The following FOXP2 variants were observed in gnomAD, a reference collection of about 807,000 sequenced individuals.
FOXP2 encodes the protein forkhead box P2, also known as forkhead box protein P2.
A neutral mutation model predicts 115.8 loss-of-function variants in FOXP2; 12 were observed. The ratio of observed to expected loss-of-function variants is 0.10; its 90% CI spans 0.07 to 0.17. FOXP2 has a LOEUF of 0.17. FOXP2 is among the 10% of genes least tolerant of loss of function. The pLI is 1.00. For missense variants in FOXP2, 629 were observed against 843.5 expected (o/e 0.75, Z 3.15); for synonymous variants, 328 against 297.7 (o/e 1.10, Z -1.05).
At chr7:114,426,082 T>C (rs1176800759) in intron 1 of FOXP2, among the ~76,000 whole-genome samples, 2 of 151,690 alleles carry the variant, frequency 1.3e-5, no homozygotes, top group Non-Finnish European at 3.0e-5. Flanking sequence ...TGTAAAATTC[T>C]GACAGAATCA....
intron 1 of FOXP2, among the ~76,000 whole-genome samples, chr7:114,193,159 A>C (rs1026197613): frequency 2.0e-5 from 3 of 152,092 alleles, no homozygotes; most frequent in Non-Finnish European, 2.9e-5. Context: ...GGTATTTAAT[A>C]CTGTAACGTA....
chr7:114,231,995 C>T (rs1794888186), intron 1 of FOXP2, among the ~76,000 whole-genome samples: 1 of 151,998 alleles, frequency 6.6e-6, no homozygotes. Context: ...AAAAAAGGAA[C>T]TCCTACATCT....
chr7:114,265,336 G>T (rs763414630), intron 1 of FOXP2, among the ~76,000 whole-genome samples: 45 of 152,278 alleles, frequency 3.0e-4, no homozygotes, highest in Admixed American at 7.8e-4. Context: ...TTGAAACCCA[G>T]CAGGGCAGTC....
At chr7:114,551,209 A>G (rs1695274033) in intron 3 of FOXP2, among the ~76,000 whole-genome samples, 1 of 152,222 alleles carries the variant, frequency 6.6e-6, no homozygotes, top group African/African-American at 2.4e-5. Flanking sequence ...TTATATTCTC[A>G]ATCAATCCAT....
chr7:114,346,546 G>T (rs1298563725), intron 2 of FOXP2, among the ~76,000 whole-genome samples: 3 of 151,652 alleles, frequency 2.0e-5, no homozygotes, highest in African/African-American at 7.3e-5. Flanking sequence ...TAATAGATGA[G>T]TGGATAAAGA....
At chr7:114,460,905 G>T (rs1055321192) in intron 2 of FOXP2, among the ~76,000 whole-genome samples, 2 of 152,146 alleles carry the variant, frequency 1.3e-5, no homozygotes, top group Non-Finnish European at 2.9e-5. Flanking sequence ...TTACCTTGGA[G>T]ATTTTCATAT....
At chr7:114,398,770 C>T (rs557742839) in intron 2 of FOXP2, among the ~76,000 whole-genome samples, 11 of 152,048 alleles carry the variant, frequency 7.2e-5, no homozygotes, top group African/African-American at 2.7e-4. Context: ...GGACTCTGGA[C>T]GAAGTCACAT....
At chr7:114,493,102 G>T (rs1275853561) in intron 2 of FOXP2, among the ~76,000 whole-genome samples, 1 of 152,114 alleles carries the variant, frequency 6.6e-6, no homozygotes, top group Non-Finnish European at 1.5e-5. Context: ...CCTGTATTGG[G>T]TGCGTATACA....
chr7:114,099,019 C>T (rs1357487583), intron 1 of FOXP2, among the ~76,000 whole-genome samples: 1 of 152,070 alleles, frequency 6.6e-6, no homozygotes, highest in East Asian at 1.9e-4. Context: ...CCTGTGATCC[C>T]AGCTACTCAG....
chr7:114,514,806 T>C (rs1338813347), intron 2 of FOXP2, among the ~76,000 whole-genome samples: 2 of 151,960 alleles, frequency 1.3e-5, no homozygotes, highest in East Asian at 1.9e-4. Context: ...CATGCTGGTG[T>C]GCTGCACCCA....
At chr7:114,165,657 G>A (rs1792961668) in intron 1 of FOXP2, among the ~76,000 whole-genome samples, 2 of 152,144 alleles carry the variant, frequency 1.3e-5, no homozygotes, top group African/African-American at 4.8e-5. Context: ...CCTTTTCATG[G>A]ATAGATGGGT....
At chr7:114,572,411 A>C (rs1801352858) in intron 3 of FOXP2, among the ~76,000 whole-genome samples, 2 of 151,694 alleles carry the variant, frequency 1.3e-5, no homozygotes, top group Admixed American at 6.6e-5. Flanking sequence ...AATAGCAAAA[A>C]TTTAAAAATT....
In FOXP2 at chr7:114,289,244, C is replaced by T. The variant is rs183512060; in HGVS notation, c.-11+1135C>T. On this transcript the variant is annotated intron_variant, in intron 2 of 17. Transcript: ENST00000634411. Reference sequence around the variant, plus strand: ...AAGATTTTCAAAGCCCTTTGGCAACCTTTTACTTCATTTTACTCTTAATTT... The same window carrying T: ...AAGATTTTCAAAGCCCTTTGGCAACTTTTTACTTCATTTTACTCTTAATTT... Among the ~76,000 whole-genome samples the T allele has an allele frequency of 8.6e-3, 1,309 of 151,906 alleles. 30 individuals carry two copies. The highest frequency in any genetic ancestry group is 0.03 in the African/African-American group (1,251 of 41,512).
At chr7:114,133,678 G>A (rs1039876185) in intron 1 of FOXP2, among the ~76,000 whole-genome samples, 1 of 152,128 alleles carries the variant, frequency 6.6e-6, no homozygotes, top group African/African-American at 2.4e-5. Context: ...TTATTGGGTT[G>A]GACCATTCAT....
intron 1 of FOXP2, among the ~76,000 whole-genome samples, chr7:114,169,553 G>T (rs1226929824): frequency 6.6e-6 from 1 of 152,154 alleles, no homozygotes; most frequent in African/African-American, 2.4e-5. Flanking sequence ...TGATTTTGCA[G>T]GTTCATGGGG....
chr7:114,450,622 G>A (rs1178761790), intron 2 of FOXP2, among the ~76,000 whole-genome samples: 1 of 152,068 alleles, frequency 6.6e-6, no homozygotes, highest in Non-Finnish European at 1.5e-5. Context: ...TGATGTGTTA[G>A]TCAGTAGCCC....
chr7:114,480,298 A>C (rs1268209871), intron 2 of FOXP2, among the ~76,000 whole-genome samples: 3 of 150,916 alleles, frequency 2.0e-5, no homozygotes, highest in African/African-American at 2.4e-5. Flanking sequence ...GAAGCTTGCA[A>C]TCCAATTACA....
rs547393444 is a variant in FOXP2, at chr7:114,365,919, G to GCTA, written c.-10-60579_-10-60577dup. On this transcript the variant is annotated intron_variant, in intron 2 of 17. Coordinates refer to the FOXP2 transcript ENST00000634411. ...TTTTTTTGTGGAAACTTAGGAATGTGCTACTAATCATTTCCCCCAAAATTC... is the reference window on the plus strand; with the variant it reads ...TTTTTTTGTGGAAACTTAGGAATGTGCTACTACTAATCATTTCCCCCAAAATTC... Among the ~76,000 whole-genome samples the GCTA allele has an allele frequency of 4.4e-3, 667 of 152,150 alleles. 4 individuals carry two copies. The highest frequency in any genetic ancestry group is 0.015 in the African/African-American group (636 of 41,520).
chr7:114,573,779 A>G (rs995758930), intron 3 of FOXP2, among the ~76,000 whole-genome samples: 33 of 151,756 alleles, frequency 2.2e-4, no homozygotes, highest in Admixed American at 1.5e-3. Flanking sequence ...TAACAAGCCT[A>G]AAGTAAAGTG....
Sources: allele counts gnomAD v4.1 joint callset (sites outside exome capture counted in the v4.1 genomes callset), GRCh38; gene constraint gnomAD v4.1.1; transcripts MANE v1.5; gene names NCBI Gene and HGNC (gene_info 2026-07-23, HGNC 2026-07-21).